The following UGT1A6 variants were observed in gnomAD, a reference collection of about 807,000 sequenced individuals.
UGT1A6 encodes the protein UDP-glucuronosyltransferase 1A6.
UGT1A6 carries 32 observed loss-of-function variants against 44.4 expected under a neutral mutation model. That is an observed-to-expected ratio of 0.72 (90% confidence interval 0.54 to 0.97). UGT1A6 has a LOEUF of 0.97. Among genes scored for constraint, UGT1A6 ranks in the 50% least tolerant of loss-of-function variants. The pLI, the probability that UGT1A6 is intolerant of heterozygous loss-of-function variation, is 0.00. For missense variants in UGT1A6, 685 were observed against 661.9 expected (o/e 1.03, Z -0.38); for synonymous variants, 238 against 248.5 (o/e 0.96, Z 0.40).
At chr2:233,755,155 T>C (rs921927491) in intron 1 of UGT1A6, 4 of 1,293,388 alleles carry the variant, frequency 3.1e-6, no homozygotes, top group Middle Eastern at 2.2e-4. Flanking sequence ...GCTTCCTCCC[T>C]GTCCTCGGGG....
Position 233,693,701 on chromosome 2 carries a change from G to A in UGT1A6, c.697G>A (p.Ala233Thr), listed in dbSNP as rs984756708. The change falls in exon 1 of 5, where the codon GCA becomes ACA. Residue 233 changes from alanine to threonine, a missense_variant. Coordinates refer to ENST00000305139, the MANE Select transcript of UGT1A6 (RefSeq NM_001072.4). ...TCTGTTTTCAAAGTATGAAGAACTC[G>A]CATCAGCTGTCCTCAAGAGAGATGT... Reference protein sequence around the residue: ...YCLFSKYEELASAVLKRDVDI... With the variant: ...YCLFSKYEELTSAVLKRDVDI... 1.9e-6 allele frequency: 3 copies of A among 1,614,192 alleles called. No individual in the cohort carries two copies. Among genetic ancestry groups the A allele is most frequent in the South Asian group, 1.1e-5 (1 of 91,082 alleles).
chr2:233,747,276 T>G (rs1693607556), intron 1 of UGT1A6: 6 of 1,598,748 alleles, frequency 3.8e-6, no homozygotes, highest in Non-Finnish European at 5.1e-6. Flanking sequence ...TCCTTCTCAG[T>G]GCCCAGCCCT....
intron 1 of UGT1A6, among the ~76,000 whole-genome samples, chr2:233,763,107 T>C (rs2126002075): frequency 6.6e-6 from 1 of 152,392 alleles, no homozygotes; most frequent in East Asian, 1.9e-4. Context: ...CACCGAACTT[T>C]ATCAGCTGCC....
intron 1 of UGT1A6, among the ~76,000 whole-genome samples, chr2:233,735,916 G>T (rs182665210): frequency 5.9e-5 from 9 of 152,142 alleles, no homozygotes; most frequent in Admixed American, 5.9e-4. Context: ...TGGGTAACCC[G>T]ACCTTTCTCT....
chr2:233,739,031 G>A (rs1340117619), intron 1 of UGT1A6: 1 of 152,236 alleles, frequency 6.6e-6, no homozygotes, highest in East Asian at 1.9e-4. Flanking sequence ...GGCTAAAAGG[G>A]GCCAAGGTAG....
chr2:233,772,131 CAAT>C, intron 4 of UGT1A6, 128 bp from the exon 5 acceptor site: 4 of 1,543,198 alleles, frequency 2.6e-6, no homozygotes, highest in Middle Eastern at 2.3e-4. Flanking sequence ...ACAACAACAA[CAAT>C]AATAGAAACA....
chr2:233,730,336 A>G (rs552905312), intron 1 of UGT1A6, among the ~76,000 whole-genome samples: 1 of 152,310 alleles, frequency 6.6e-6, no homozygotes, highest in African/African-American at 2.4e-5. Flanking sequence ...TACGTTTGGA[A>G]CTGATCCATC....
At chr2:233,727,507 A>C (rs2077622461) in intron 1 of UGT1A6, among the ~76,000 whole-genome samples, 2 of 152,166 alleles carry the variant, frequency 1.3e-5, no homozygotes, top group African/African-American at 4.8e-5. Flanking sequence ...GGAGCCCATG[A>C]ATGTGGGAAG....
At chr2:233,746,507 C>T (rs1477077635) in intron 1 of UGT1A6, among the ~76,000 whole-genome samples, 1 of 151,718 alleles carries the variant, frequency 6.6e-6, no homozygotes, top group Non-Finnish European at 1.5e-5. Context: ...TTAGTAGCCC[C>T]CAAAGCAAGA....
rs779826535 is a variant in UGT1A6 at position 233,768,441 on chromosome 2, TAAGA to T, written c.1301+8_1301+11del. ...AAAAGCAGTCATCAATGACAAAAGGTAAGAAAGAAGATACAGAAGAATACTTTGG... is the reference window on the plus strand; with the variant it reads ...AAAAGCAGTCATCAATGACAAAAGGTAAGAAGATACAGAAGAATACTTTGG... On this transcript the variant is annotated splice_donor_5th_base_variant and intron_variant, in intron 4 of 4. Coordinates refer to ENST00000305139, the MANE Select transcript of UGT1A6 (RefSeq NM_001072.4). 2 of 1,613,308 alleles carry T rather than the reference TAAGA, an allele frequency of 1.2e-6. No individual in the cohort carries two copies. Among genetic ancestry groups the T allele is most frequent in the Non-Finnish European group, 1.7e-6 (2 of 1,179,602 alleles).
At chr2:233,735,698 A>C (rs1273245395) in intron 1 of UGT1A6, among the ~76,000 whole-genome samples, 2 of 152,000 alleles carry the variant, frequency 1.3e-5, no homozygotes, top group Admixed American at 6.5e-5. Flanking sequence ...CTTGTAAGGC[A>C]GGCCTGGTGG....
chr2:233,754,991 G>C (rs1247616121), intron 1 of UGT1A6: 1 of 1,294,814 alleles, frequency 7.7e-7, no homozygotes, highest in African/African-American at 1.5e-5. Context: ...CGGGGTCACG[G>C]AAGCTGAAGA....
intron 1 of UGT1A6, among the ~76,000 whole-genome samples, chr2:233,694,810 G>A (rs147477123): frequency 5.3e-5 from 8 of 152,290 alleles, no homozygotes; most frequent in Admixed American, 1.3e-4. Flanking sequence ...CAGGGATTCT[G>A]GGGCATGAAA....
intron 1 of UGT1A6, among the ~76,000 whole-genome samples, chr2:233,757,535 A>AATATATATACAT (rs376887521): frequency 1.6e-4 from 14 of 88,310 alleles, no homozygotes; most frequent in Middle Eastern, 5.7e-3. Flanking sequence ...GCCTGTAAGG[A>AATATATATACAT]ATATATATAT....
At chr2:233,764,825 G>A (rs1698655202) in intron 1 of UGT1A6, among the ~76,000 whole-genome samples, 1 of 152,070 alleles carries the variant, frequency 6.6e-6, no homozygotes, top group African/African-American at 2.4e-5. Flanking sequence ...ATGCAGCATG[G>A]TGGTGGGGAG....
chr2:233,751,854 T>C (rs1435480079), intron 1 of UGT1A6, among the ~76,000 whole-genome samples: 3 of 152,196 alleles, frequency 2.0e-5, no homozygotes, highest in Non-Finnish European at 4.4e-5. Context: ...TAAACCTTTG[T>C]CTTTTATAAA....
At chr2:233,740,325 T>C (rs1691364696) in intron 1 of UGT1A6, among the ~76,000 whole-genome samples, 1 of 151,932 alleles carries the variant, frequency 6.6e-6, no homozygotes, top group Non-Finnish European at 1.5e-5. Context: ...AATCTGCATT[T>C]ATTGAGAAAG....
intron 1 of UGT1A6, chr2:233,756,329 T>A (rs934859836): frequency 6.6e-6 from 1 of 152,238 alleles, no homozygotes; most frequent in African/African-American, 2.4e-5. Flanking sequence ...TTTAAACCTC[T>A]AGTCATCTCT....
intron 1 of UGT1A6, among the ~76,000 whole-genome samples, chr2:233,732,245 G>A (rs1417876377): frequency 2.0e-5 from 3 of 152,190 alleles, no homozygotes; most frequent in Non-Finnish European, 4.4e-5. Context: ...TAGGTTGCCT[G>A]TTCACTCTGA....
Sources: gnomAD v4.1 joint callset for allele counts (sites outside exome capture counted in the v4.1 genomes callset) on GRCh38, gnomAD v4.1.1 for gene constraint, MANE v1.5 for transcripts, NCBI Gene and HGNC (gene_info 2026-07-23, HGNC 2026-07-21) for gene names.